The following TDRD9 variants were observed in gnomAD, a reference collection of about 807,000 sequenced individuals.
TDRD9 encodes tudor domain containing 9.
Under a neutral mutation model 172.6 loss-of-function variants are expected in TDRD9, and 124 were observed. That is an observed-to-expected ratio of 0.72 (90% confidence interval 0.62 to 0.83). TDRD9 has a LOEUF of 0.83. Ranked by LOEUF, TDRD9 falls within the 40% of genes least tolerant of loss-of-function variation. TDRD9 has a pLI of 0.00. For synonymous variants in TDRD9, 619 were observed against 617.1 expected, an observed-to-expected ratio of 1.00 and a Z score of -0.05; for missense variants, 1,479 against 1,714.1, an observed-to-expected ratio of 0.86 and a Z score of 2.42.
At chr14:104,005,179 TCTC>T in intron 14 of TDRD9, 92 bp from the exon 15 acceptor site, 6 of 1,317,980 alleles carry the variant, frequency 4.6e-6, no homozygotes, top group Non-Finnish European at 5.3e-6. Flanking sequence ...CCTCTCCTTC[TCTC>T]CTCCTCTTTC....
In TDRD9 at chr14:104,014,813, A is replaced by G. The variant is rs2034735071; in HGVS notation, c.2195A>G (p.Tyr732Cys). ...CGGCGACCTGTCATGGACCAAGAGT[A>G]TATATATAAGCAGCGATTCATCCTA... ...DSRRPVMDQE[Y>C]IYKQRFILQV... Residue 732 changes from tyrosine (Y) to cysteine (C), a missense_variant, in exon 21 of 36, where the codon TAT becomes TGT. Tyr to Cys is a radical substitution (Grantham distance 194, BLOSUM62 -2). This residue lies in a region of TDRD9 where 1,413 missense variants were observed against 1,649.1 expected (regional missense o/e 0.86). Transcript: ENST00000409874. 4 of 1,607,794 alleles carry G rather than the reference A, an allele frequency of 2.5e-6. No homozygotes were observed. Among genetic ancestry groups the G allele is most frequent in the Middle Eastern group, 1.7e-4 (1 of 6,048 alleles).
intron 13 of TDRD9, among the ~76,000 whole-genome samples, chr14:104,003,053 T>C (rs748745089): frequency 2.0e-5 from 3 of 152,028 alleles, no homozygotes; most frequent in Non-Finnish European, 2.9e-5. Flanking sequence ...GGTCAACCTG[T>C]CAAGATTAAG....
intron 2 of TDRD9, among the ~76,000 whole-genome samples, chr14:103,961,144 G>A (rs988191116): frequency 5.3e-5 from 8 of 152,106 alleles, no homozygotes; most frequent in Non-Finnish European, 8.8e-5. Context: ...GAAGGCCTAG[G>A]TATATTAACT....
chr14:104,042,343 AG>A, intron 34 of TDRD9, among the ~76,000 whole-genome samples, 156 bp downstream of exon 34: 1 of 152,282 alleles, frequency 6.6e-6, no homozygotes, highest in Admixed American at 6.5e-5. Context: ...ATCAGAATGT[AG>A]GCACGCCCTT....
chr14:103,966,655 G>A, intron 4 of TDRD9, 54 bp from the exon 5 acceptor site: 1 of 1,445,416 alleles, frequency 6.9e-7, no homozygotes, highest in Non-Finnish European at 9.2e-7. Context: ...TAATAAAATG[G>A]ACATAACTTT....
At chr14:104,022,619 C>G (rs914130435) in intron 24 of TDRD9, among the ~76,000 whole-genome samples, 2 of 152,022 alleles carry the variant, frequency 1.3e-5, no homozygotes, top group African/African-American at 4.8e-5. Context: ...CCCACCTACT[C>G]GGGAGGCTGA....
At chr14:103,982,968 T>C (rs1187283809) in intron 7 of TDRD9, among the ~76,000 whole-genome samples, 1 of 151,856 alleles carries the variant, frequency 6.6e-6, no homozygotes, top group Non-Finnish European at 1.5e-5. Context: ...AATGTAAATG[T>C]GTACTGTAAT....
At chr14:103,975,296 G>C in intron 6 of TDRD9, 93 bp from the exon 7 acceptor site, 1 of 1,182,442 alleles carries the variant, frequency 8.5e-7, no homozygotes, top group East Asian at 2.5e-5. Flanking sequence ...TGTTAGATAA[G>C]GAGTGAAGCA....
rs1376530954 is a variant in TDRD9, at chr14:103,991,808, G to A, written c.1180+584G>A. On this transcript the variant is annotated intron_variant, in intron 9 of 35. Transcript: ENST00000409874. ...AGTCTCACTCTGTTGCCCAGGCAGGGGTACAGTGGCAAAATCTTAGCTCAC... is the reference window on the plus strand; with the variant it reads ...AGTCTCACTCTGTTGCCCAGGCAGGAGTACAGTGGCAAAATCTTAGCTCAC... Among the ~76,000 whole-genome samples the A allele has an allele frequency of 2.7e-5, 4 of 147,590 alleles. No individual in the cohort carries two copies. In the South Asian group the frequency reaches 8.7e-4, roughly 32 times the overall value.
chr14:104,012,836 C>A (rs916422280), intron 20 of TDRD9, among the ~76,000 whole-genome samples: 2 of 152,164 alleles, frequency 1.3e-5, no homozygotes, highest in African/African-American at 4.8e-5. Context: ...TGTGCTTAAG[C>A]AATCCTCCTG....
intron 9 of TDRD9, among the ~76,000 whole-genome samples, chr14:103,992,781 C>T (rs532059230): frequency 3.3e-5 from 5 of 151,874 alleles, no homozygotes; most frequent in South Asian, 2.1e-4. Context: ...AAAAATTAGC[C>T]GGGCATGGTG....
Position 104,008,436 on chromosome 14 carries a change from A to T in TDRD9, c.2076A>T (p.Leu692Phe). The change falls in exon 20 of 36, where the codon TTA becomes TTT. Residue 692 changes from leucine to phenylalanine, a missense_variant. Around this residue, in one of 3 missense-constraint regions of TDRD9, gnomAD observed 1,413 missense variants for 1,649.1 expected, o/e 0.86. Coordinates refer to ENST00000409874, the MANE Select transcript of TDRD9 (RefSeq NM_153046.3). ...AGGATGAACTTAATTGGGGACGGTT[A>T]AATTACATTCAAATCAAGAGAATTA... ...YPKDELNWGRLNYIQIKRIRE... is the reference protein window; with the variant it reads ...YPKDELNWGRFNYIQIKRIRE... 1 of 1,564,812 alleles carries T rather than the reference A, an allele frequency of 6.4e-7. No individual in the cohort carries two copies. The highest frequency in any genetic ancestry group is 8.8e-7 in the Non-Finnish European group (1 of 1,136,340).
At chr14:103,976,179 G>A (rs1303504315) in intron 7 of TDRD9, among the ~76,000 whole-genome samples, 2 of 152,026 alleles carry the variant, frequency 1.3e-5, no homozygotes. Flanking sequence ...ACTCAGCCAT[G>A]TTGCCCAGAA....
Position 104,051,988 on chromosome 14 carries a change from C to A in TDRD9, c.4055C>A (p.Pro1352Gln). ...EKPYEWNQVD[P>Q]KLVMEQADRE... Reference sequence around the variant, plus strand: ...GCTTGTCTACCCCATTAGGTTGATCCAAAGCTGGTCATGGAGCAGGCCGAC... The same window carrying A: ...GCTTGTCTACCCCATTAGGTTGATCAAAAGCTGGTCATGGAGCAGGCCGAC... The change falls in exon 36 of 36, where the codon CCA becomes CAA. Residue 1352 changes from proline to glutamine, a missense_variant. Transcript: ENST00000409874. 1 of 1,591,030 alleles carries A rather than the reference C, an allele frequency of 6.3e-7. No homozygotes were observed. The highest frequency in any genetic ancestry group is 2.3e-5 in the East Asian group (1 of 43,852).
intron 24 of TDRD9, 141 bp from the exon 25 acceptor site, chr14:104,024,428 T>C (rs1176954284): frequency 3.8e-6 from 2 of 527,332 alleles, no homozygotes; most frequent in African/African-American, 3.9e-5. Flanking sequence ...ATCAAATTTG[T>C]CATCTCTGGC....
At chr14:104,015,715 C>A (rs1160027386) in intron 21 of TDRD9, among the ~76,000 whole-genome samples, 1 of 152,146 alleles carries the variant, frequency 6.6e-6, no homozygotes, top group African/African-American at 2.4e-5. Flanking sequence ...GTTTCCCAAG[C>A]CTCATTCTGA....
chr14:104,035,172 A>C, intron 32 of TDRD9, 116 bp downstream of exon 32: 1 of 726,862 alleles, frequency 1.4e-6, no homozygotes, highest in Non-Finnish European at 2.3e-6. Context: ...TAGCCATGGC[A>C]CGTCTCGCTG....
chr14:103,978,498 A>G (rs1243375207), intron 7 of TDRD9, among the ~76,000 whole-genome samples: 1 of 152,226 alleles, frequency 6.6e-6, no homozygotes, highest in Non-Finnish European at 1.5e-5. Context: ...TGTATTTTCC[A>G]TAATGTCCTT....
intron 1 of TDRD9, among the ~76,000 whole-genome samples, chr14:103,931,273 TG>T (rs1387257258): frequency 6.6e-6 from 1 of 150,566 alleles, no homozygotes; most frequent in African/African-American, 2.5e-5. Flanking sequence ...CACTCCAGCC[TG>T]GGTGACAGAA....
Sources: allele counts gnomAD v4.1 joint callset (sites outside exome capture counted in the v4.1 genomes callset), GRCh38; gene constraint gnomAD v4.1.1; regional missense constraint gnomAD v4.1.1; transcripts MANE v1.5; gene names NCBI Gene and HGNC (gene_info 2026-07-23, HGNC 2026-07-21).